FAM181B: variants seen among roughly 807,000 people sequenced by gnomAD.
FAM181B encodes the protein protein FAM181B.
A neutral mutation model predicts 17.8 loss-of-function variants in FAM181B; 13 were observed. The ratio of observed to expected loss-of-function variants is 0.73; its 90% CI spans 0.48 to 1.16. The LOEUF (loss-of-function observed/expected upper bound fraction) is 1.16. FAM181B is among the 50% of genes most tolerant of loss of function. The pLI, the probability that FAM181B is intolerant of heterozygous loss-of-function variation, is 0.00. For missense variants in FAM181B, 725 were observed against 634.1 expected (o/e 1.14, Z -1.54); for synonymous variants, 338 against 316.5 (o/e 1.07, Z -0.72).
Position 82,733,744 on chromosome 11 carries a change from G to A in FAM181B, c.-15C>T. ...TGCACCGCCATCGCCGCGGCTCCCGGGCTGTCCGCAGCGCTGCCCGTGCGC... is the reference window on the plus strand; with the variant it reads ...TGCACCGCCATCGCCGCGGCTCCCGAGCTGTCCGCAGCGCTGCCCGTGCGC... On this transcript the variant is annotated 5_prime_UTR_variant, in exon 1 of 1. Transcript: ENST00000329203. The A allele has an allele frequency of 1.4e-6, 2 of 1,392,998 alleles. No individual in the cohort carries two copies. Among genetic ancestry groups the A allele is most frequent in the African/African-American group, 1.5e-5 (1 of 66,350 alleles). 86.3% of individuals were successfully genotyped at this position (1,392,998 alleles called of 1,614,324 possible).
rs1857176142 is a variant in FAM181B at position 82,733,796 on chromosome 11, G to A, written c.-67C>T. Reference sequence around the variant, plus strand: ...CCCGCCAGCTCCTGCCCGCCGCCCAGACCCAGCTCCCGCCCCGGCGCGGCG... The same window carrying A: ...CCCGCCAGCTCCTGCCCGCCGCCCAAACCCAGCTCCCGCCCCGGCGCGGCG... On this transcript the variant is annotated 5_prime_UTR_variant, in exon 1 of 1. Transcript: ENST00000329203. The A allele has an allele frequency of 8.3e-7, 1 of 1,197,982 alleles. No homozygotes were observed. Among genetic ancestry groups the A allele is most frequent in the African/African-American group, 1.6e-5 (1 of 63,192 alleles). The allele number at this position is 1,197,982 out of a possible 1,614,324, so 74.2% of individuals were successfully genotyped here.
Position 82,733,017 on chromosome 11 carries a change from GC to G in FAM181B, c.712del (p.Ala238GlnfsTer13). On this transcript the variant is annotated frameshift_variant, in exon 1 of 1. Transcript: ENST00000329203. LOFTEE classifies it high-confidence loss of function. ...CGACGGGCCACACCCGCCGCCGCCT[GC>G]CCGGGACGGCTCCGTGAAGAAGGAC... Reference protein sequence around the residue: ...PPSFFTEPSRAGGGGCGPSGP... With the variant: ...PPSFFTEPSRXGGGGCGPSGP... 6.5e-7 allele frequency: 1 copy of G among 1,545,204 alleles called. No homozygotes were observed. Among genetic ancestry groups the G allele is most frequent in the Non-Finnish European group, 8.6e-7 (1 of 1,156,932 alleles).
chr11:82,733,072 C>A lies in FAM181B; in HGVS notation c.658G>T (p.Val220Phe). 3 of 1,513,478 alleles carry A rather than the reference C, an allele frequency of 2.0e-6. No homozygotes were observed. Among genetic ancestry groups the A allele is most frequent in the Non-Finnish European group, 2.6e-6 (3 of 1,141,922 alleles). 93.8% of individuals were successfully genotyped at this position (1,513,478 alleles called of 1,614,324 possible). ...GGCAGATTGCGTGCCCGCAGCGGGA[C>A]CTTCCTGGCCCCTGGGATCGCCGTG... ...GATAIPGARK[V>F]PLRARNLPPS... Residue 220 changes from valine to phenylalanine, a missense_variant, in exon 1 of 1, where the codon GTC (valine) becomes TTC (phenylalanine). By Grantham distance (50) the Val-to-Phe change is conservative. Coordinates refer to ENST00000329203, the MANE Select transcript of FAM181B (RefSeq NM_175885.4).
chr11:82,733,283 C>T lies in FAM181B; in HGVS notation c.447G>A (p.Arg149=). The T allele has an allele frequency of 1.6e-6, 2 of 1,221,384 alleles. No individual in the cohort carries two copies. Among genetic ancestry groups the T allele is most frequent in the African/African-American group, 1.6e-5 (1 of 63,664 alleles). The allele number at this position is 1,221,384 out of a possible 1,614,324, so 75.7% of individuals were successfully genotyped here. A position where few individuals can be genotyped will look rare whatever the true frequency, so the allele number is the denominator to read the frequency against. ...APAHGKAAPR[R]EASQAAAAAS... is the part of the protein sequence containing the mutation. ...CGGCCGCGGCGGCCTGCGACGCCTC[C>T]CGCCGGGGGGCAGCCTTGCCGTGGG... is the stretch of plus-strand genomic sequence containing the variant. The change falls in exon 1 of 1, where the codon CGG becomes CGA. Residue 149 remains arginine (R), a synonymous_variant. Transcript: ENST00000329203.
chr11:82,733,031 C>G lies in FAM181B; in HGVS notation c.699G>C (p.Thr233=), dbSNP rs775604760. 30 of 1,538,002 alleles carry G rather than the reference C, an allele frequency of 2.0e-5. No individual in the cohort carries two copies. Among genetic ancestry groups the G allele is most frequent in the Admixed American group, 5.7e-5 (3 of 52,372 alleles). ...CGCCGCCGCCTGCCCGGGACGGCTC[C>G]GTGAAGAAGGACGGAGGCAGATTGC... ...RARNLPPSFF[T]EPSRAGGGGC... Residue 233 remains threonine, a synonymous_variant, in exon 1 of 1, where the codon ACG becomes ACC. Coordinates refer to ENST00000329203, the MANE Select transcript of FAM181B (RefSeq NM_175885.4).
In FAM181B at chr11:82,732,304, TGAAG is replaced by T; in HGVS notation, c.*141_*144del. The T allele has an allele frequency of 1.3e-6, 1 of 771,858 alleles. No individual in the cohort carries two copies. Among genetic ancestry groups the T allele is most frequent in the Non-Finnish European group, 2.1e-6 (1 of 486,406 alleles). 47.8% of individuals were successfully genotyped at this position (771,858 alleles called of 1,614,324 possible). A position where few individuals can be genotyped will look rare whatever the true frequency, so the allele number is the denominator to read the frequency against. On this transcript the variant is annotated 3_prime_UTR_variant, in exon 1 of 1. Coordinates refer to ENST00000329203, the MANE Select transcript of FAM181B (RefSeq NM_175885.4). The stretch of plus-strand genomic sequence containing the variant: ...CCAACTCGTCTTCATCTCTTTTTTC[TGAAG>T]TTGCTTTTATTAATTGAATTTTTAA...
At position 82,732,240 on chromosome 11, in the gene FAM181B, GTTTTTGTTTT is replaced by G. The variant is rs1266208695; in HGVS notation, c.*199_*208del. ...TAAGAACCTACAAACGTGTTTGTTT[GTTTTTGTTTT>G]AACACTTGAGGTTGTGATTAAACAA... On this transcript the variant is annotated 3_prime_UTR_variant, in exon 1 of 1. Coordinates refer to ENST00000329203, the MANE Select transcript of FAM181B (RefSeq NM_175885.4). 2.2e-5 allele frequency: 13 copies of G among 590,126 alleles called. No homozygotes were observed. Among genetic ancestry groups the G allele is most frequent in the Non-Finnish European group, 3.8e-5 (13 of 340,218 alleles). The allele number at this position is 590,126 out of a possible 1,614,324, so 36.6% of individuals were successfully genotyped here. A position where few individuals can be genotyped will look rare whatever the true frequency, so the allele number is the denominator to read the frequency against.
rs774390259 is a variant in FAM181B at position 82,733,189 on chromosome 11, G to A, written c.541C>T (p.Pro181Ser). ...SLRHVPGGAE[P>S]AGGEVAAPAA... ...GGCGCAGCCACCTCACCCCCCGCCG[G>A]CTCGGCACCCCCGGGGACGTGGCGC... Residue 181 changes from proline (P) to serine (S), a missense_variant, in exon 1 of 1, where the codon CCG (proline) becomes TCG (serine). Transcript: ENST00000329203. 1.5e-6 allele frequency: 2 copies of A among 1,353,360 alleles called. No individual in the cohort carries two copies. Among genetic ancestry groups the A allele is most frequent in the Admixed American group, 3.9e-5 (1 of 25,570 alleles). The allele number at this position is 1,353,360 out of a possible 1,614,324, so 83.8% of individuals were successfully genotyped here. A position where few individuals can be genotyped will look rare whatever the true frequency, so the allele number is the denominator to read the frequency against.
rs999166202 is a variant in FAM181B, at chr11:82,733,208, G to C, written c.522C>G (p.His174Gln). The C allele has an allele frequency of 9.8e-5, 129 of 1,313,004 alleles. No individual in the cohort carries two copies. Among genetic ancestry groups the C allele is most frequent in the Non-Finnish European group, 1.2e-4 (122 of 1,038,714 alleles). 81.3% of individuals were successfully genotyped at this position (1,313,004 alleles called of 1,614,324 possible). Residue 174 changes from histidine (H) to glutamine (Q), a missense_variant, in exon 1 of 1, where the codon CAC (histidine) becomes CAG (glutamine). By Grantham distance (24) the His-to-Gln change is conservative. Coordinates refer to ENST00000329203, the MANE Select transcript of FAM181B (RefSeq NM_175885.4). ...CCGCCGGCTCGGCACCCCCGGGGAC[G>C]TGGCGCAGCGAGTCGAAGAGCGCGG... ...SLAALFDSLR[H>Q]VPGGAEPAGG...
Position 82,732,402 on chromosome 11 carries a change from C to G in FAM181B, c.*47G>C. 1 of 1,557,130 alleles carries G rather than the reference C, an allele frequency of 6.4e-7. No homozygotes were observed. On this transcript the variant is annotated 3_prime_UTR_variant, in exon 1 of 1. Transcript: ENST00000329203. ...GATTTAGGAGAAACCCACGGAGGCGCGGCGCTCTCCACAGCCGTCTCTAAT... is the reference window on the plus strand; with the variant it reads ...GATTTAGGAGAAACCCACGGAGGCGGGGCGCTCTCCACAGCCGTCTCTAAT...
At position 82,733,438 on chromosome 11, in the gene FAM181B, G is replaced by T; in HGVS notation, c.292C>A (p.Gln98Lys). 1 of 1,585,170 alleles carries T rather than the reference G, an allele frequency of 6.3e-7. No homozygotes were observed. Among genetic ancestry groups the T allele is most frequent in the Non-Finnish European group, 8.6e-7 (1 of 1,165,906 alleles). ...CCGCTGCAGCGCTTGATCTGCTTCT[G>T]CAGGTACTTGCGGTGGTTCACCTTC... is the stretch of plus-strand genomic sequence containing the variant. ...KRKVNHRKYL[Q>K]KQIKRCSGLM... Residue 98 changes from glutamine (Q) to lysine (K), a missense_variant, in exon 1 of 1, where the codon CAG (glutamine) becomes AAG (lysine). Physicochemically the swap from Gln to Lys is moderately conservative, Grantham distance 53. Coordinates refer to ENST00000329203, the MANE Select transcript of FAM181B (RefSeq NM_175885.4).
rs1487294840 is a variant in FAM181B, at chr11:82,732,119, G to A, written c.*330C>T. On this transcript the variant is annotated 3_prime_UTR_variant, in exon 1 of 1. Coordinates refer to ENST00000329203, the MANE Select transcript of FAM181B (RefSeq NM_175885.4). The stretch of plus-strand genomic sequence containing the variant: ...ATACACTGACCTTCGCTGAAAAATA[G>A]AAGGGACAGGTGGCTACAGAAGCCA... The A allele has an allele frequency of 2.9e-6, 1 of 347,954 alleles. No individual in the cohort carries two copies. The highest frequency in any genetic ancestry group is 5.2e-6 in the Non-Finnish European group (1 of 192,976). The allele number at this position is 347,954 out of a possible 1,614,324, so 21.6% of individuals were successfully genotyped here. A position where few individuals can be genotyped will look rare whatever the true frequency, so the allele number is the denominator to read the frequency against.
chr11:82,732,573 GGCGGCGGGGGCA>G lies in FAM181B; in HGVS notation c.1145_1156del (p.Leu382_Pro385del), dbSNP rs1247385056. ...ATCGTAGGACACCTGATGGGGCGGC[GGCGGCGGGGGCA>G]GGGCGCAGTCTGGAAAGAAGGGGGC... is the stretch of plus-strand genomic sequence containing the variant. On this transcript the variant is annotated inframe_deletion, in exon 1 of 1. Transcript: ENST00000329203. 1 of 1,607,498 alleles carries G rather than the reference GGCGGCGGGGGCA, an allele frequency of 6.2e-7. No individual in the cohort carries two copies. Among genetic ancestry groups the G allele is most frequent in the East Asian group, 2.2e-5 (1 of 44,610 alleles).
rs766209331 is a variant in FAM181B, at chr11:82,733,377, G to C, written c.353C>G (p.Pro118Arg). ...TTTGGCTGGCGTGTCGGCGGCGCTC[G>C]GGGAGGGCGGGCCGGGGGGCGCGGC... Reference protein sequence around the residue: ...MGAAPPGPPSPSAADTPAKRP... With the variant: ...MGAAPPGPPSRSAADTPAKRP... The change falls in exon 1 of 1, where the codon CCG becomes CGG. Residue 118 changes from proline (P) to arginine (R), a missense_variant. Coordinates refer to ENST00000329203, the MANE Select transcript of FAM181B (RefSeq NM_175885.4). 32 of 1,430,286 alleles carry C rather than the reference G, an allele frequency of 2.2e-5. No individual in the cohort carries two copies. Among genetic ancestry groups the C allele is most frequent in the African/African-American group, 1.2e-4 (8 of 67,798 alleles). The allele number at this position is 1,430,286 out of a possible 1,614,324, so 88.6% of individuals were successfully genotyped here.
At position 82,730,323 on chromosome 11, in the gene FAM181B, T is replaced by C. The variant is rs1857114761; in HGVS notation, c.*2126A>G. 6.6e-6 allele frequency: 1 copy of C among 152,176 alleles called. No individual in the cohort carries two copies. The highest frequency in any genetic ancestry group is 1.9e-4 in the East Asian group (1 of 5,196). The allele number at this position is 152,176 out of a possible 1,614,324, so 9.4% of individuals were successfully genotyped here. Reference sequence around the variant, plus strand: ...AATGCCTGGGATGCGGAAACAATGTTGATATTATTATTAATTAAACGTATA... The same window carrying C: ...AATGCCTGGGATGCGGAAACAATGTCGATATTATTATTAATTAAACGTATA... On this transcript the variant is annotated 3_prime_UTR_variant, in exon 1 of 1. Coordinates refer to ENST00000329203, the MANE Select transcript of FAM181B (RefSeq NM_175885.4).
Position 82,733,625 on chromosome 11 carries a change from G to A in FAM181B, c.105C>T (p.Gly35=), listed in dbSNP as rs1287615895. ...CGGTCTCATCGTCCTCGAAACAGCA[G>A]CCCTTGTCCAGGGCTCCGAAGGCGC... is the stretch of plus-strand genomic sequence containing the variant. ...LGGAFGALDK[G]CCFEDDETGA... is the part of the protein sequence containing the mutation. The change falls in exon 1 of 1, where the codon GGC becomes GGT. Residue 35 remains glycine, a synonymous_variant. Coordinates refer to ENST00000329203, the MANE Select transcript of FAM181B (RefSeq NM_175885.4). 2.5e-6 allele frequency: 4 copies of A among 1,601,416 alleles called. No homozygotes were observed. The highest frequency in any genetic ancestry group is 3.4e-6 in the Non-Finnish European group (4 of 1,178,172).
At position 82,730,822 on chromosome 11, in the gene FAM181B, C is replaced by T. The variant is rs1439724539; in HGVS notation, c.*1627G>A. The T allele has an allele frequency of 6.6e-6, 1 of 152,202 alleles. No individual in the cohort carries two copies. Among genetic ancestry groups the T allele is most frequent in the Non-Finnish European group, 1.5e-5 (1 of 68,044 alleles). 9.4% of individuals were successfully genotyped at this position (152,202 alleles called of 1,614,324 possible). A position where few individuals can be genotyped will look rare whatever the true frequency, so the allele number is the denominator to read the frequency against. On this transcript the variant is annotated 3_prime_UTR_variant, in exon 1 of 1. Coordinates refer to ENST00000329203, the MANE Select transcript of FAM181B (RefSeq NM_175885.4). ...GCAAACATGAACCTGGATTTTTACA[C>T]CTCTTGCGGTAACACTCGGTTTTCA...
In FAM181B at chr11:82,732,557, C is replaced by T. The variant is rs768526134; in HGVS notation, c.1173G>A (p.Val391=). ...ALPPPPPPHQ[V]SYDYSAGYSR... ...TGTAGCCCGCGCTGTAATCGTAGGACACCTGATGGGGCGGCGGCGGCGGGG... is the reference window on the plus strand; with the variant it reads ...TGTAGCCCGCGCTGTAATCGTAGGATACCTGATGGGGCGGCGGCGGCGGGG... Residue 391 remains valine (V), a synonymous_variant, in exon 1 of 1, where the codon GTG becomes GTA. Transcript: ENST00000329203. The T allele has an allele frequency of 6.2e-7, 1 of 1,611,160 alleles. No individual in the cohort carries two copies. The highest frequency in any genetic ancestry group is 8.5e-7 in the Non-Finnish European group (1 of 1,179,324).
In FAM181B at chr11:82,733,337, G is replaced by T. The variant is rs2120883461; in HGVS notation, c.393C>A (p.Ala131=). ...GGGCCGCGACTGTCGGGGCGCTAGG[G>T]GCGGCCAGCGGCCGTTTGGCTGGCG... ...ADTPAKRPLA[A]PSAPTVAAPA... Residue 131 remains alanine (A), a synonymous_variant, in exon 1 of 1, where the codon GCC becomes GCA. Transcript: ENST00000329203. The T allele has an allele frequency of 7.7e-7, 1 of 1,304,946 alleles. No individual in the cohort carries two copies. Among genetic ancestry groups the T allele is most frequent in the South Asian group, 2.2e-5 (1 of 45,956 alleles). 80.8% of individuals were successfully genotyped at this position (1,304,946 alleles called of 1,614,324 possible).
Sources: gnomAD v4.1 joint callset for allele counts on GRCh38, gnomAD v4.1.1 for gene constraint, MANE v1.5 for transcripts, NCBI Gene and HGNC (gene_info 2026-07-23, HGNC 2026-07-21) for gene names.